Variants in GNAI1 observed in about 807,000 individuals in gnomAD.
GNAI1 encodes guanine nucleotide-binding protein G(i) subunit alpha-1.
In GNAI1, 11 loss-of-function variants were observed where a neutral mutation model predicts 38.9. That is an observed-to-expected ratio of 0.28 (90% CI 0.18 to 0.47). GNAI1 has a LOEUF of 0.47. Ranked by LOEUF, GNAI1 falls within the 20% of genes least tolerant of loss-of-function variation. GNAI1 has a pLI of 0.99. For missense variants in GNAI1, 317 were observed against 436.9 expected (o/e 0.73, Z 2.45); for synonymous variants, 166 against 145.1 (o/e 1.14, Z -1.04).
chr7:80,161,627 C>T (rs977074083), intron 1 of GNAI1, among the ~76,000 whole-genome samples: 1 of 152,112 alleles, frequency 6.6e-6, no homozygotes, highest in African/African-American at 2.4e-5. Context: ...AATATAAACT[C>T]TCTTAGTTTT....
chr7:80,172,237 A>G (rs1788108817), intron 1 of GNAI1, among the ~76,000 whole-genome samples: 1 of 152,190 alleles, frequency 6.6e-6, no homozygotes, highest in Non-Finnish European at 1.5e-5. Context: ...CTTTGGGTCC[A>G]GTTCTAGAAA....
At chr7:80,163,126 C>T (rs1339535418) in intron 1 of GNAI1, among the ~76,000 whole-genome samples, 1 of 152,126 alleles carries the variant, frequency 6.6e-6, no homozygotes, top group African/African-American at 2.4e-5. Flanking sequence ...TTGATTTCCT[C>T]TGGCAGTATA....
chr7:80,156,836 GA>G (rs1444481730), intron 1 of GNAI1, among the ~76,000 whole-genome samples: 1 of 152,068 alleles, frequency 6.6e-6, no homozygotes, highest in African/African-American at 2.4e-5. Flanking sequence ...CAGTACTATT[GA>G]GCAGAGAGGG....
chr7:80,180,436 T>A (rs568645108), intron 1 of GNAI1, among the ~76,000 whole-genome samples: 4 of 152,254 alleles, frequency 2.6e-5, no homozygotes, highest in Non-Finnish European at 5.9e-5. Context: ...TTCTTTTGAT[T>A]TGGCATACCT....
intron 3 of GNAI1, among the ~76,000 whole-genome samples, chr7:80,195,659 C>G (rs1189673975): frequency 2.0e-5 from 3 of 151,958 alleles, no homozygotes; most frequent in African/African-American, 7.2e-5. Context: ...GCTAAAAACT[C>G]TCAATAACAC....
Position 80,135,208 on chromosome 7 carries a change from T to G in GNAI1, c.48T>G (p.Ser16Arg). The G allele has an allele frequency of 6.4e-7, 1 of 1,554,522 alleles. No homozygotes were observed. The change falls in exon 1 of 8, where the codon AGT (serine) becomes AGG (arginine). Residue 16 changes from serine to arginine, a missense_variant. Physicochemically the swap from Ser to Arg is moderately radical, Grantham distance 110. Around this residue, in one of 5 missense-constraint regions of GNAI1, gnomAD observed 37 missense variants for 26.2 expected, o/e 1.41. Transcript: ENST00000649796. ...SAEDKAAVER[S>R]KMIDRNLRED... ...AGGACAAGGCGGCGGTGGAGCGGAG[T>G]AAGATGATCGACCGCAACCTCCGTG...
chr7:80,138,941 C>G (rs1049742807), intron 1 of GNAI1, among the ~76,000 whole-genome samples: 1 of 152,130 alleles, frequency 6.6e-6, no homozygotes, highest in Non-Finnish European at 1.5e-5. Context: ...GATGCTGCAT[C>G]ATTAATCTTC....
intron 1 of GNAI1, among the ~76,000 whole-genome samples, chr7:80,166,184 A>G (rs1216350197): frequency 2.0e-5 from 3 of 152,208 alleles, no homozygotes; most frequent in African/African-American, 7.2e-5. Flanking sequence ...GCTTACTACC[A>G]TTCACTAGGC....
chr7:80,211,237 T>C (rs1167288713), intron 6 of GNAI1, 139 bp downstream of exon 6: 9 of 681,558 alleles, frequency 1.3e-5, no homozygotes, highest in Non-Finnish European at 2.2e-5. Context: ...AAGAGAGATA[T>C]ACTAGAGAAG....
At position 80,191,353 on chromosome 7, in the gene GNAI1, C is replaced by T. The variant is rs6974459; in HGVS notation, c.303+2122C>T. Reference sequence around the variant, plus strand: ...GTTTTCTGGACAAAAATGGAAAAAGCGTTGTATGAATAAGAAACATTTTAT... The same window carrying T: ...GTTTTCTGGACAAAAATGGAAAAAGTGTTGTATGAATAAGAAACATTTTAT... On this transcript the variant is annotated intron_variant, in intron 3 of 7. Transcript: ENST00000649796. Among the ~76,000 whole-genome samples the T allele has an allele frequency of 4.2e-3, 635 of 151,956 alleles. 6 individuals are homozygous for T. Among genetic ancestry groups the T allele is most frequent in the African/African-American group, 0.014 (592 of 41,448 alleles).
chr7:80,176,819 C>A (rs1439335859), intron 1 of GNAI1, among the ~76,000 whole-genome samples: 1 of 150,900 alleles, frequency 6.6e-6, no homozygotes, highest in Non-Finnish European at 1.5e-5. Flanking sequence ...GGGCTGTAAT[C>A]CCAGCTACTC....
chr7:80,217,213 T>TTCAGTTTCATATGTATGAAACTGACC, intron 7 of GNAI1, 90 bp from the exon 8 acceptor site: 1 of 816,266 alleles, frequency 1.2e-6, no homozygotes, highest in Non-Finnish European at 1.9e-6. Flanking sequence ...TGAAACTGAC[T>TTCAGTTTCATATGTATGAAACTGACC]TCAGTTTCAT....
chr7:80,204,423 T>C (rs1318832297), intron 5 of GNAI1, among the ~76,000 whole-genome samples: 2 of 152,068 alleles, frequency 1.3e-5, no homozygotes, highest in Non-Finnish European at 2.9e-5. Flanking sequence ...TTGGAGTGCA[T>C]ATTTTTCCAG....
Position 80,199,271 on chromosome 7 carries a change from G to T in GNAI1, c.350G>T (p.Gly117Val). Residue 117 changes from glycine to valine, a missense_variant, in exon 4 of 8, where the codon GGC becomes GTC. Gly to Val is a moderately radical substitution (Grantham distance 109). This residue lies in a region of GNAI1 where 67 missense variants were observed against 61.5 expected (regional missense o/e 1.09). Transcript: ENST00000649796. ...GTGCTAGCTGGAGCTGCTGAAGAAG[G>T]CTTTATGACTGCAGAACTTGCTGGA... ...LFVLAGAAEE[G>V]FMTAELAGVI... 6.2e-7 allele frequency: 1 copy of T among 1,613,394 alleles called. No individual in the cohort carries two copies. Among genetic ancestry groups the T allele is most frequent in the Non-Finnish European group, 8.5e-7 (1 of 1,179,502 alleles).
intron 6 of GNAI1, among the ~76,000 whole-genome samples, chr7:80,211,858 G>A (rs1335038586): frequency 6.6e-6 from 1 of 152,134 alleles, no homozygotes; most frequent in Non-Finnish European, 1.5e-5. Context: ...ATTACAAAGT[G>A]GGGGAAAAAG....
intron 4 of GNAI1, among the ~76,000 whole-genome samples, chr7:80,202,521 G>A (rs1036043198): frequency 2.0e-5 from 3 of 152,160 alleles, no homozygotes; most frequent in Non-Finnish European, 2.9e-5. Context: ...TTTTCTTACA[G>A]TAAAGTAGAA....
intron 1 of GNAI1, among the ~76,000 whole-genome samples, chr7:80,145,106 C>G (rs968834099): frequency 9.9e-5 from 15 of 152,172 alleles, no homozygotes; most frequent in African/African-American, 3.4e-4. Context: ...CTCCTGTGTC[C>G]TGGTCTCAAG....
Position 80,173,658 on chromosome 7 carries a change from C to T in GNAI1, c.119-15293C>T, listed in dbSNP as rs17153536. ...CTCATTGTAGCAGGAATTGTCTGAT[C>T]GCATAGATGTGATGTTCTGTGCCTC... On this transcript the variant is annotated intron_variant, in intron 1 of 7. Transcript: ENST00000649796. 1.8e-3 allele frequency among the ~76,000 whole-genome samples: 278 copies of T among 152,206 alleles called. 10 individuals carry two copies. The East Asian group carries it at 0.045, about 25-fold the overall frequency.
chr7:80,188,008 C>T (rs1319092356), intron 1 of GNAI1, among the ~76,000 whole-genome samples: 4 of 152,170 alleles, frequency 2.6e-5, no homozygotes, highest in Admixed American at 6.5e-5. Context: ...TGCATGTATA[C>T]AGAGTGAAGG....
Sources: gnomAD v4.1 joint callset for allele counts (sites outside exome capture counted in the v4.1 genomes callset) on GRCh38, gnomAD v4.1.1 for gene constraint, gnomAD v4.1.1 regional missense constraint, MANE v1.5 for transcripts, NCBI Gene and HGNC (gene_info 2026-07-23, HGNC 2026-07-21) for gene names.